QTGAL: variants seen among roughly 807,000 people sequenced by gnomAD.
The protein encoded by QTGAL is queuosine-tRNA galactosyltransferase.
the QTGAL span, among the ~76,000 whole-genome samples, chr17:82,973,230 G>C: frequency 6.6e-6 from 1 of 152,194 alleles, no homozygotes; most frequent in Non-Finnish European, 1.5e-5. Context: ...AGACGCCCTG[G>C]TGGTCTGTTA....
the QTGAL span, among the ~76,000 whole-genome samples, chr17:82,984,068 G>A: frequency 2.2e-5 from 3 of 137,046 alleles, no homozygotes; most frequent in South Asian, 2.4e-4. Flanking sequence ...ATATGATCAC[G>A]CAGGGGAGAG....
At chr17:82,970,648 TGTGGCCGC>T in the QTGAL span, among the ~76,000 whole-genome samples, 61 of 33,520 alleles carry the variant, frequency 1.8e-3, 8 homozygotes, top group African/African-American at 6.7e-3. Flanking sequence ...CCGCACCCGG[TGTGGCCGC>T]GACCTCCGCA....
chr17:82,964,028 C>T, the QTGAL span, among the ~76,000 whole-genome samples: 25 of 139,674 alleles, frequency 1.8e-4, 1 homozygote, highest in Admixed American at 1.0e-3. Context: ...AGGCTGAGGT[C>T]GGGGGGGTGG....
At chr17:83,034,798 C>T in the QTGAL span, among the ~76,000 whole-genome samples, 7 of 152,174 alleles carry the variant, frequency 4.6e-5, no homozygotes, top group Non-Finnish European at 7.3e-5. Context: ...CAGACATGCG[C>T]GACTGTGAGA....
At chr17:82,955,745 A>C in the QTGAL span, among the ~76,000 whole-genome samples, 5 of 152,196 alleles carry the variant, frequency 3.3e-5, no homozygotes, top group Non-Finnish European at 5.9e-5. Flanking sequence ...CATGGAATCA[A>C]CCCAAATGCC....
chr17:83,035,329 G>T, the QTGAL span, among the ~76,000 whole-genome samples: 1 of 151,956 alleles, frequency 6.6e-6, no homozygotes, highest in South Asian at 2.1e-4. Context: ...ACAGGCACCT[G>T]CCACCACGCC....
chr17:83,038,990 C>G, the QTGAL span, among the ~76,000 whole-genome samples: 3 of 97,010 alleles, frequency 3.1e-5, 1 homozygote, highest in Non-Finnish European at 7.7e-5. Flanking sequence ...TATTTCAAAC[C>G]AACGAAAGAT....
the QTGAL span, among the ~76,000 whole-genome samples, chr17:82,988,427 C>T: frequency 2.0e-5 from 3 of 152,128 alleles, no homozygotes; most frequent in African/African-American, 7.2e-5. Flanking sequence ...TAGGCAATAC[C>T]ATTCGGGACA....
At chr17:82,958,089 C>T in the QTGAL span, among the ~76,000 whole-genome samples, 43 of 152,172 alleles carry the variant, frequency 2.8e-4, no homozygotes, top group Non-Finnish European at 4.7e-4. Context: ...CTCCTCCCAC[C>T]GCAGCCCCTC....
At chr17:82,956,424 G>A in the QTGAL span, among the ~76,000 whole-genome samples, 4 of 152,218 alleles carry the variant, frequency 2.6e-5, no homozygotes, top group Non-Finnish European at 2.9e-5. The surrounding 1 kb of genome is among the most constrained non-coding windows in gnomAD (Gnocchi z 5.7). Flanking sequence ...GGCTTTATGG[G>A]TATTTTAAGA....
chr17:82,974,937 G>C, the QTGAL span, among the ~76,000 whole-genome samples: 6,878 of 117,780 alleles, frequency 0.058, 390 homozygotes, highest in African/African-American at 0.11. Context: ...GGACAGAGCC[G>C]GACTCCATCC....
chr17:82,974,073 G>A, the QTGAL span, among the ~76,000 whole-genome samples: 1 of 152,230 alleles, frequency 6.6e-6, no homozygotes, highest in Non-Finnish European at 1.5e-5. Flanking sequence ...CCACTGCAGT[G>A]CTGTTTCTGC....
the QTGAL span, among the ~76,000 whole-genome samples, chr17:83,009,926 C>G: frequency 6.2e-5 from 9 of 146,118 alleles, no homozygotes; most frequent in African/African-American, 2.3e-4. Flanking sequence ...AACGACTTGC[C>G]GTCCACTGCT....
chr17:83,001,067 G>A, the QTGAL span, among the ~76,000 whole-genome samples: 43 of 152,302 alleles, frequency 2.8e-4, no homozygotes, highest in Admixed American at 2.7e-3. Flanking sequence ...CGATCAAACT[G>A]TACATTTGAA....
chr17:83,037,875 G>A, the QTGAL span, among the ~76,000 whole-genome samples: 7 of 152,346 alleles, frequency 4.6e-5, no homozygotes, highest in African/African-American at 1.4e-4. This position sits in a 1 kb window ranked among gnomAD's most constrained non-coding sequence, Gnocchi z 5.2. Flanking sequence ...TTGCCTTGAA[G>A]AAAGTCAAAT....
the QTGAL span, among the ~76,000 whole-genome samples, chr17:82,982,533 C>T: frequency 0.1 from 15,410 of 152,172 alleles, 895 homozygotes; most frequent in African/African-American, 0.15. Context: ...AAGGGCCTCA[C>T]AGAGAGCCTT....
At chr17:83,043,729 A>T in the QTGAL span, among the ~76,000 whole-genome samples, 1 of 152,224 alleles carries the variant, frequency 6.6e-6, no homozygotes, top group Non-Finnish European at 1.5e-5. Flanking sequence ...TGATTCTTTG[A>T]AGAGGGTCAA....
the QTGAL span, among the ~76,000 whole-genome samples, chr17:82,953,312 TAAA>T: frequency 6.6e-6 from 1 of 151,218 alleles, no homozygotes; most frequent in Non-Finnish European, 1.5e-5. Flanking sequence ...GTAGACACAA[TAAA>T]AAAAGATAAA....
the QTGAL span, among the ~76,000 whole-genome samples, chr17:82,973,071 G>A: frequency 6.6e-6 from 1 of 152,230 alleles, no homozygotes; most frequent in African/African-American, 2.4e-5. Context: ...CTGCCAGCCT[G>A]GACAGGGCCA....
Sources: allele counts gnomAD v4.1 joint callset (sites outside exome capture counted in the v4.1 genomes callset), GRCh38; gene constraint gnomAD v4.1.1; non-coding constraint Gnocchi (gnomAD v3.1); transcripts MANE v1.5; gene names NCBI Gene and HGNC (gene_info 2026-07-23, HGNC 2026-07-21).